The following TAFA1 variants were observed in gnomAD, a reference collection of about 807,000 sequenced individuals.
The protein encoded by TAFA1 is chemokine-like protein TAFA-1.
TAFA1 carries 4 observed loss-of-function variants against 18.5 expected under a neutral mutation model. The ratio of observed to expected loss-of-function variants is 0.22; its 90% confidence interval spans 0.11 to 0.49. TAFA1 has a LOEUF of 0.49. Ranked by LOEUF, TAFA1 falls within the 20% of genes least tolerant of loss-of-function variation. The pLI, the probability that TAFA1 is intolerant of heterozygous loss-of-function variation, is 0.98. For synonymous variants in TAFA1, 56 were observed against 55.2 expected, an observed-to-expected ratio of 1.01 and a Z score of -0.06; for missense variants, 147 against 169.0, an observed-to-expected ratio of 0.87 and a Z score of 0.72.
chr3:68,028,080 A>C lies in TAFA1; in HGVS notation c.118+21336A>C, dbSNP rs147551187. On this transcript the variant is annotated intron_variant, in intron 2 of 4. Transcript: ENST00000478136. ...TTGGGGAGGCTGAGGCGGGTGGACC[A>C]CTTGAGGCCAGGAGTTCAAGACCAG... 8.1e-3 allele frequency among the ~76,000 whole-genome samples: 1,234 copies of C among 152,208 alleles called. 18 individuals are homozygous for C. Among genetic ancestry groups the C allele is most frequent in the African/African-American group, 0.028 (1,146 of 41,540 alleles).
At chr3:68,500,172 T>G (rs944239517) in intron 3 of TAFA1, among the ~76,000 whole-genome samples, 5 of 152,168 alleles carry the variant, frequency 3.3e-5, no homozygotes, top group Admixed American at 2.0e-4. Context: ...TTTAGGTGAG[T>G]CATGGGATCA....
rs370510099 is a variant in TAFA1 at position 68,013,321 on chromosome 3, AGT to A, written c.118+6580_118+6581del. 3.4e-3 allele frequency among the ~76,000 whole-genome samples: 514 copies of A among 152,204 alleles called. 6 individuals are homozygous for A. Among genetic ancestry groups the A allele is most frequent in the African/African-American group, 0.012 (496 of 41,534 alleles). Reference sequence around the variant, plus strand: ...TAATTTCGAGATTTCTCAAATGGAGAGTGTCATAAACATTATTTTGTCAGTAT... The same window carrying A: ...TAATTTCGAGATTTCTCAAATGGAGAGTCATAAACATTATTTTGTCAGTAT... On this transcript the variant is annotated intron_variant, in intron 2 of 4. Coordinates refer to ENST00000478136, the MANE Select transcript of TAFA1 (RefSeq NM_213609.4).
At chr3:68,066,906 G>T (rs1320013455) in intron 2 of TAFA1, among the ~76,000 whole-genome samples, 1 of 152,134 alleles carries the variant, frequency 6.6e-6, no homozygotes, top group Admixed American at 6.5e-5. Flanking sequence ...CTCTGTCAGG[G>T]TGGGAGAGTG....
intron 3 of TAFA1, among the ~76,000 whole-genome samples, chr3:68,505,406 A>G (rs2072730555): frequency 6.6e-6 from 1 of 152,140 alleles, no homozygotes; most frequent in African/African-American, 2.4e-5. Context: ...CATCTCTGTT[A>G]CTTTGTATTA....
chr3:68,502,043 A>G (rs1203563551), intron 3 of TAFA1, among the ~76,000 whole-genome samples: 1 of 152,186 alleles, frequency 6.6e-6, no homozygotes. Flanking sequence ...GCCTTAGTAC[A>G]TGGAAATTCT....
intron 2 of TAFA1, among the ~76,000 whole-genome samples, chr3:68,154,209 C>T (rs905449927): frequency 9.9e-5 from 15 of 152,118 alleles, no homozygotes; most frequent in African/African-American, 3.4e-4. Context: ...CCTCTGCATC[C>T]AGTCAGCTAA....
intron 2 of TAFA1, among the ~76,000 whole-genome samples, chr3:68,226,871 A>G (rs527911217): frequency 6.6e-6 from 1 of 152,292 alleles, no homozygotes; most frequent in South Asian, 2.1e-4. Context: ...TCTGCCAAGC[A>G]CAAGCTTGGG....
chr3:68,283,426 A>G (rs917737649), intron 2 of TAFA1, among the ~76,000 whole-genome samples: 1 of 152,238 alleles, frequency 6.6e-6, no homozygotes, highest in Non-Finnish European at 1.5e-5. Flanking sequence ...AAAGATTTTT[A>G]AAGTAATTTA....
At chr3:68,439,961 C>A (rs2071342293) in intron 3 of TAFA1, among the ~76,000 whole-genome samples, 1 of 152,116 alleles carries the variant, frequency 6.6e-6, no homozygotes, top group African/African-American at 2.4e-5. Context: ...TGGAACTGCA[C>A]CAATCCCCAA....
chr3:68,097,082 T>C (rs1206035769), intron 2 of TAFA1, among the ~76,000 whole-genome samples: 1 of 152,080 alleles, frequency 6.6e-6, no homozygotes. Context: ...GGATGATTCC[T>C]AAGCAAAAGA....
chr3:68,404,920 C>T (rs1575838555), intron 2 of TAFA1, among the ~76,000 whole-genome samples: 1 of 151,836 alleles, frequency 6.6e-6, no homozygotes, highest in South Asian at 2.1e-4. Context: ...GCCACTTCTT[C>T]CTTGAGTATC....
chr3:68,046,702 A>C (rs1446757774), intron 2 of TAFA1, among the ~76,000 whole-genome samples: 1 of 152,156 alleles, frequency 6.6e-6, no homozygotes, highest in Non-Finnish European at 1.5e-5. Context: ...AGGCCAACTG[A>C]ACTTATAAGT....
chr3:68,512,049 G>T (rs1017898851), intron 3 of TAFA1, among the ~76,000 whole-genome samples: 2 of 151,830 alleles, frequency 1.3e-5, no homozygotes, highest in African/African-American at 4.8e-5. Flanking sequence ...TAATAAAAAG[G>T]GCACCAAGGT....
At chr3:68,238,066 C>G (rs964734504) in intron 2 of TAFA1, among the ~76,000 whole-genome samples, 5 of 151,944 alleles carry the variant, frequency 3.3e-5, no homozygotes, top group African/African-American at 4.8e-5. Context: ...TGAAACCTAA[C>G]GTTCACTGGT....
At chr3:68,091,205 G>A (rs988739551) in intron 2 of TAFA1, among the ~76,000 whole-genome samples, 1 of 152,050 alleles carries the variant, frequency 6.6e-6, no homozygotes, top group Non-Finnish European at 1.5e-5. Flanking sequence ...TTCTCTCTGG[G>A]GATAATGGAA....
intron 3 of TAFA1, among the ~76,000 whole-genome samples, chr3:68,487,544 G>A (rs1163261963): frequency 2.0e-5 from 3 of 151,834 alleles, no homozygotes; most frequent in Non-Finnish European, 2.9e-5. Flanking sequence ...TCAGGAGATC[G>A]AGACCATCCT....
At chr3:68,415,043 T>C (rs1166621604) in intron 2 of TAFA1, among the ~76,000 whole-genome samples, 1 of 152,186 alleles carries the variant, frequency 6.6e-6, no homozygotes, top group African/African-American at 2.4e-5. Context: ...AAGAGTGTAA[T>C]ATATGATTAG....
chr3:68,189,130 A>G (rs1057490230), intron 2 of TAFA1, among the ~76,000 whole-genome samples: 2 of 151,882 alleles, frequency 1.3e-5, no homozygotes, highest in African/African-American at 4.8e-5. Context: ...GTGAGGACTA[A>G]TGTTGTTCAT....
chr3:68,136,255 C>G (rs185786652), intron 2 of TAFA1, among the ~76,000 whole-genome samples: 2 of 152,138 alleles, frequency 1.3e-5, no homozygotes, highest in African/African-American at 4.8e-5. Flanking sequence ...ATAAGCAACC[C>G]GAAAACAGAA....
Sources: allele counts gnomAD v4.1 joint callset (sites outside exome capture counted in the v4.1 genomes callset), GRCh38; gene constraint gnomAD v4.1.1; transcripts MANE v1.5; gene names NCBI Gene and HGNC (gene_info 2026-07-23, HGNC 2026-07-21).